Variants in ABI3BP observed in about 807,000 individuals in gnomAD.
ABI3BP encodes the protein ABI family member 3 binding protein, also known as target of Nesh-SH3.
In ABI3BP, 216 loss-of-function variants were observed where a neutral mutation model predicts 268.6. The observed-to-expected ratio is 0.80, with a 90% confidence interval of 0.72 to 0.90. ABI3BP has a LOEUF of 0.90. ABI3BP is among the 40% of genes least tolerant of loss of function. The pLI is 0.00. For missense variants in ABI3BP, 2,090 were observed against 2,182.4 expected, an observed-to-expected ratio of 0.96 and a Z score of 0.84; for synonymous variants, 730 against 730.0, an observed-to-expected ratio of 1.00 and a Z score of 0.00.
intron 15 of ABI3BP, 133 bp downstream of exon 15, chr3:100,851,742 C>CT: frequency 1.4e-6 from 1 of 700,052 alleles, no homozygotes; most frequent in Non-Finnish European, 2.4e-6. Flanking sequence ...ACACAACTCC[C>CT]TGACACAGGT....
At chr3:100,878,085 T>A (rs1203235357) in intron 6 of ABI3BP, among the ~76,000 whole-genome samples, 1 of 152,178 alleles carries the variant, frequency 6.6e-6, no homozygotes, top group Non-Finnish European at 1.5e-5. Flanking sequence ...TCCTTAGCAA[T>A]CCGGCCTAAG....
At chr3:100,932,919 C>T (rs1201635100) in intron 1 of ABI3BP, among the ~76,000 whole-genome samples, 1 of 151,386 alleles carries the variant, frequency 6.6e-6, no homozygotes, top group Non-Finnish European at 1.5e-5. Flanking sequence ...CTCAGTGAGA[C>T]AAGCTAAACT....
intron 1 of ABI3BP, among the ~76,000 whole-genome samples, chr3:100,945,225 C>T (rs1045680181): frequency 2.0e-5 from 3 of 151,936 alleles, no homozygotes; most frequent in African/African-American, 7.3e-5. Flanking sequence ...ACAGGTCTCC[C>T]CAATTGTACT....
chr3:100,815,940 A>G lies in ABI3BP; in HGVS notation c.3261T>C (p.His1087=), dbSNP rs1440424824. 2.6e-6 allele frequency: 4 copies of G among 1,528,762 alleles called. No homozygotes were observed. The highest frequency in any genetic ancestry group is 1.7e-4 in the Middle Eastern group (1 of 5,936). 94.7% of individuals were successfully genotyped at this position (1,528,762 alleles called of 1,614,324 possible). A position where few individuals can be genotyped will look rare whatever the true frequency, so the allele number is the denominator to read the frequency against. Reference sequence around the variant, plus strand: ...ATGTTGTTCCTGGAGCATCAGTACTATGAACAACAGGTTCAAAGCCTGTAA... The same window carrying G: ...ATGTTGTTCCTGGAGCATCAGTACTGTGAACAACAGGTTCAAAGCCTGTAA... ...VSVTGFEPVV[H]STDAPGTTFA... Residue 1087 remains histidine, a synonymous_variant, in exon 44 of 68, where the codon CAT becomes CAC. Transcript: ENST00000471714.
intron 53 of ABI3BP, 112 bp downstream of exon 53, chr3:100,795,692 A>C (rs1165431402): frequency 3.5e-6 from 3 of 852,166 alleles, no homozygotes; most frequent in Non-Finnish European, 4.7e-6. Context: ...ATGAGAATGA[A>C]ATGATGAATG....
At chr3:100,816,014 T>G in intron 43 of ABI3BP, 43 bp from the exon 44 acceptor site, 1 of 1,375,224 alleles carries the variant, frequency 7.3e-7, no homozygotes, top group Non-Finnish European at 9.7e-7. Flanking sequence ...GCTTAAAGAC[T>G]TTTTAAAAAA....
At chr3:100,900,673 T>G (rs2049887967) in intron 3 of ABI3BP, among the ~76,000 whole-genome samples, 1 of 152,120 alleles carries the variant, frequency 6.6e-6, no homozygotes, top group Non-Finnish European at 1.5e-5. Context: ...AATTAAATAA[T>G]TAAAATTTAT....
At chr3:100,834,177 A>G (rs963731875) in intron 29 of ABI3BP, among the ~76,000 whole-genome samples, 7 of 152,110 alleles carry the variant, frequency 4.6e-5, no homozygotes, top group African/African-American at 1.7e-4. Flanking sequence ...TTCTCCCTAA[A>G]GGTTCACATT....
chr3:100,841,220 T>TTTTTTTTTTTTTTTTTTTG (rs1560681726), intron 21 of ABI3BP, among the ~76,000 whole-genome samples: 13 of 119,590 alleles, frequency 1.1e-4, no homozygotes, highest in Non-Finnish European at 1.4e-4. Flanking sequence ...TTTTTTTTTT[T>TTTTTTTTTTTTTTTTTTTG]TTTTTTTGCT....
intron 9 of ABI3BP, among the ~76,000 whole-genome samples, chr3:100,872,130 C>T (rs1312290738): frequency 6.6e-6 from 1 of 152,180 alleles, no homozygotes; most frequent in Non-Finnish European, 1.5e-5. Flanking sequence ...AGGCATGAAC[C>T]ACCCCATCTT....
At chr3:100,823,777 T>C (rs2098297376) in intron 36 of ABI3BP, among the ~76,000 whole-genome samples, 1 of 152,228 alleles carries the variant, frequency 6.6e-6, no homozygotes, top group African/African-American at 2.4e-5. Flanking sequence ...TTTTAACTAA[T>C]GAATTCTGAT....
chr3:100,988,082 A>G (rs1303144915), intron 1 of ABI3BP, among the ~76,000 whole-genome samples: 1 of 152,232 alleles, frequency 6.6e-6, no homozygotes, highest in African/African-American at 2.4e-5. Context: ...GAACCACACC[A>G]AGTAGGCTTT....
intron 23 of ABI3BP, 134 bp from the exon 24 acceptor site, chr3:100,839,750 C>G: frequency 1.0e-6 from 1 of 986,596 alleles, no homozygotes; most frequent in Non-Finnish European, 1.5e-6. Flanking sequence ...TTTACAGTTC[C>G]CATTTTCCTT....
intron 1 of ABI3BP, chr3:100,930,998 C>A (rs1206447359): frequency 6.6e-6 from 1 of 152,076 alleles, no homozygotes; most frequent in East Asian, 1.9e-4. Flanking sequence ...TTGCCATGAT[C>A]AAGTAGGCTT....
At chr3:100,784,635 C>A (rs1414645080) in intron 57 of ABI3BP, among the ~76,000 whole-genome samples, 1 of 152,046 alleles carries the variant, frequency 6.6e-6, no homozygotes, top group Non-Finnish European at 1.5e-5. Flanking sequence ...ACTTAAGTGA[C>A]CATTGACTAA....
At chr3:100,775,760 G>A (rs2096682507) in intron 59 of ABI3BP, among the ~76,000 whole-genome samples, 1 of 152,172 alleles carries the variant, frequency 6.6e-6, no homozygotes, top group Non-Finnish European at 1.5e-5. Flanking sequence ...AGCCTGGTGT[G>A]TTTAACTTGA....
At chr3:100,970,172 T>C (rs1339414322) in intron 1 of ABI3BP, among the ~76,000 whole-genome samples, 1 of 152,188 alleles carries the variant, frequency 6.6e-6, no homozygotes, top group Non-Finnish European at 1.5e-5. Flanking sequence ...ATACGCATTC[T>C]CCTAAAGATC....
At chr3:100,888,121 T>G (rs2042830570) in intron 4 of ABI3BP, among the ~76,000 whole-genome samples, 1 of 152,230 alleles carries the variant, frequency 6.6e-6, no homozygotes, top group African/African-American at 2.4e-5. Context: ...CCATCATTGA[T>G]TAGCTTGCTC....
At chr3:100,836,325 C>A (rs1490235898) in intron 27 of ABI3BP, among the ~76,000 whole-genome samples, 1 of 152,042 alleles carries the variant, frequency 6.6e-6, no homozygotes, top group African/African-American at 2.4e-5. Context: ...TAAAATTAAT[C>A]AAGAATTGTA....
Sources: allele counts gnomAD v4.1 joint callset (sites outside exome capture counted in the v4.1 genomes callset), GRCh38; gene constraint gnomAD v4.1.1; transcripts MANE v1.5; gene names NCBI Gene and HGNC (gene_info 2026-07-23, HGNC 2026-07-21).